ACER3: variants seen among roughly 807,000 people sequenced by gnomAD.
ACER3 encodes alkCDase 3.
A neutral mutation model predicts 48.9 loss-of-function variants in ACER3; 16 were observed. The observed-to-expected ratio is 0.33, with a 90% confidence interval of 0.22 to 0.50. The LOEUF is 0.50. Ranked by LOEUF, ACER3 falls within the 20% of genes least tolerant of loss-of-function variation. ACER3 has a pLI of 0.98. For missense variants in ACER3, 227 were observed against 326.0 expected, an observed-to-expected ratio of 0.70 and a Z score of 2.34; for synonymous variants, 109 against 107.8, an observed-to-expected ratio of 1.01 and a Z score of -0.07.
intron 6 of ACER3, among the ~76,000 whole-genome samples, chr11:76,991,641 C>G (rs910406324): frequency 1.3e-5 from 2 of 151,686 alleles, no homozygotes; most frequent in East Asian, 3.9e-4. Context: ...CATGGTGAAA[C>G]CCCATCTCTA....
At chr11:76,927,910 G>T (rs1414054479) in intron 2 of ACER3, among the ~76,000 whole-genome samples, 2 of 152,112 alleles carry the variant, frequency 1.3e-5, no homozygotes, top group Admixed American at 6.5e-5. Flanking sequence ...GAATAGTGCC[G>T]CAATAAACAT....
intron 1 of ACER3, among the ~76,000 whole-genome samples, chr11:76,896,322 A>T (rs1444426633): frequency 6.6e-6 from 1 of 152,078 alleles, no homozygotes; most frequent in Non-Finnish European, 1.5e-5. Flanking sequence ...GTGAAGTTTT[A>T]TTCTTCATTT....
At chr11:76,895,084 G>A in intron 1 of ACER3, among the ~76,000 whole-genome samples, 1 of 152,142 alleles carries the variant, frequency 6.6e-6, no homozygotes, top group African/African-American at 2.4e-5. Flanking sequence ...AGTGTATAAT[G>A]TGGAGAAAGG....
chr11:77,019,226 C>T (rs182197974), intron 9 of ACER3, among the ~76,000 whole-genome samples: 15 of 152,216 alleles, frequency 9.9e-5, no homozygotes, highest in South Asian at 2.1e-4. Context: ...TTTGGGAGGC[C>T]GAGGCGGGTG....
chr11:76,900,217 A>G (rs1946044847), intron 1 of ACER3, among the ~76,000 whole-genome samples: 1 of 152,054 alleles, frequency 6.6e-6, no homozygotes, highest in Admixed American at 6.5e-5. Flanking sequence ...GTGGAAGTGG[A>G]TTGTCATGAA....
chr11:76,865,054 G>A (rs1307475391), intron 1 of ACER3, among the ~76,000 whole-genome samples: 3 of 150,394 alleles, frequency 2.0e-5, no homozygotes, highest in Non-Finnish European at 4.4e-5. Context: ...GCTCACTGCA[G>A]CCTCGACCTC....
chr11:76,998,778 T>C lies in ACER3; in HGVS notation c.454T>C (p.Leu152=). The C allele has an allele frequency of 1.9e-6, 3 of 1,598,992 alleles. No individual in the cohort carries two copies. Among genetic ancestry groups the C allele is most frequent in the African/African-American group, 2.7e-5 (2 of 74,200 alleles). The change falls in exon 7 of 11, where the codon TTG becomes CTG. Residue 152 remains leucine (L), a synonymous_variant. Coordinates refer to ENST00000532485, the MANE Select transcript of ACER3 (RefSeq NM_018367.7). ...TCCTATTTAGGTCATGTATGGAATG[T>C]TGGTCTTTACATTAGTACTTCGATC... ...PIFHQVMYGM[L]VFTLVLRSIY... is the part of the protein sequence containing the mutation.
intron 1 of ACER3, among the ~76,000 whole-genome samples, chr11:76,885,971 G>T (rs1462721752): frequency 6.6e-6 from 1 of 152,176 alleles, no homozygotes; most frequent in African/African-American, 2.4e-5. Flanking sequence ...TAAGAAAGCC[G>T]TTGTCGTGAG....
chr11:76,866,985 G>GC (rs1398398535), intron 1 of ACER3, among the ~76,000 whole-genome samples: 1 of 152,172 alleles, frequency 6.6e-6, no homozygotes, highest in South Asian at 2.1e-4. Flanking sequence ...TTTTCTGACA[G>GC]CGTAAACTTG....
At chr11:76,933,276 A>AT (rs998574163) in intron 2 of ACER3, among the ~76,000 whole-genome samples, 2 of 125,104 alleles carry the variant, frequency 1.6e-5, no homozygotes, top group African/African-American at 3.0e-5. Flanking sequence ...TATAATTTTT[A>AT]TTTTTTTTAT....
At chr11:76,939,655 A>T (rs959513325) in intron 2 of ACER3, among the ~76,000 whole-genome samples, 1 of 152,220 alleles carries the variant, frequency 6.6e-6, no homozygotes, top group Non-Finnish European at 1.5e-5. Flanking sequence ...CTGGTGTGAT[A>T]TACCAAAAAG....
chr11:77,019,500 A>C (rs782503794), intron 9 of ACER3: 2 of 539,512 alleles, frequency 3.7e-6, no homozygotes, highest in African/African-American at 1.9e-5. Flanking sequence ...CTTGTGCTCT[A>C]TAAAATGGAA....
chr11:77,001,991 C>T (rs1284946201), intron 7 of ACER3, among the ~76,000 whole-genome samples: 1 of 152,132 alleles, frequency 6.6e-6, no homozygotes, highest in Non-Finnish European at 1.5e-5. Flanking sequence ...ACAGAGAACA[C>T]AGAGAGAAGG....
chr11:76,965,215 G>A (rs533109337), intron 3 of ACER3, among the ~76,000 whole-genome samples: 1 of 151,410 alleles, frequency 6.6e-6, no homozygotes, highest in African/African-American at 2.5e-5. Flanking sequence ...TATCAGTGAT[G>A]GAAGACGAAA....
chr11:76,945,189 A>G (rs192024870), intron 2 of ACER3, among the ~76,000 whole-genome samples: 218 of 151,990 alleles, frequency 1.4e-3, no homozygotes, highest in African/African-American at 5.1e-3. Context: ...CAAAATCAAT[A>G]TTTTGAATTT....
chr11:76,922,983 T>A (rs930745701), intron 1 of ACER3, among the ~76,000 whole-genome samples: 35 of 152,016 alleles, frequency 2.3e-4, no homozygotes, highest in Non-Finnish European at 4.3e-4. Flanking sequence ...TCTTACTCCC[T>A]CTCCTAAATG....
chr11:76,875,651 G>A (rs959231840), intron 1 of ACER3, among the ~76,000 whole-genome samples: 3 of 149,652 alleles, frequency 2.0e-5, no homozygotes, highest in Admixed American at 6.6e-5. Flanking sequence ...AAATACTAAA[G>A]CATATCATTA....
At chr11:76,881,988 TA>T (rs1429129331) in intron 1 of ACER3, among the ~76,000 whole-genome samples, 1 of 149,942 alleles carries the variant, frequency 6.7e-6, no homozygotes, top group Non-Finnish European at 1.5e-5. Context: ...TGTTTAGGAT[TA>T]TTTTGTAAAA....
chr11:77,020,175 G>A (rs947333353), intron 10 of ACER3, 99 bp from the exon 11 acceptor site: 26 of 1,265,900 alleles, frequency 2.1e-5, no homozygotes, highest in Middle Eastern at 1.9e-4. Flanking sequence ...GCAAACCTAC[G>A]TATAGTCATA....
Sources: gnomAD v4.1 joint callset for allele counts (sites outside exome capture counted in the v4.1 genomes callset) on GRCh38, gnomAD v4.1.1 for gene constraint, MANE v1.5 for transcripts, NCBI Gene and HGNC (gene_info 2026-07-23, HGNC 2026-07-21) for gene names.